Variants in AXIN1 observed in about 807,000 individuals in gnomAD.
The protein encoded by AXIN1 is axin 1, also known as axin-1.
Under a neutral mutation model 76.4 loss-of-function variants are expected in AXIN1, and 30 were observed. The ratio of observed to expected loss-of-function variants is 0.39; its 90% CI spans 0.29 to 0.53. The LOEUF is 0.53. AXIN1 is among the 20% of genes least tolerant of loss of function. The probability of loss-of-function intolerance (pLI) is 0.66; values close to 1 mark genes in which losing one functional copy is unlikely to be tolerated. For missense variants in AXIN1, 1,140 were observed against 1,198.8 expected (o/e 0.95, Z 0.72); for synonymous variants, 545 against 501.4 (o/e 1.09, Z -1.16).
intron 2 of AXIN1, among the ~76,000 whole-genome samples, chr16:315,041 G>C (rs901416016): frequency 1.3e-5 from 2 of 152,210 alleles, no homozygotes; most frequent in Non-Finnish European, 2.9e-5. Context: ...CGTCGGGAGA[G>C]GACACTGGGT....
chr16:316,603 G>A (rs764734271), intron 2 of AXIN1, among the ~76,000 whole-genome samples: 9 of 152,186 alleles, frequency 5.9e-5, no homozygotes, highest in Non-Finnish European at 1.2e-4. Context: ...GCACAGAGCG[G>A]TAAGACTGCG....
chr16:289,378 T>C, intron 10 of AXIN1, 62 bp downstream of exon 10: 1 of 1,601,610 alleles, frequency 6.2e-7, no homozygotes, highest in Non-Finnish European at 8.5e-7. Flanking sequence ...AACCCTCTTT[T>C]TCATACCGTT....
chr16:318,350 C>T (rs1354769593), intron 2 of AXIN1, among the ~76,000 whole-genome samples: 1 of 152,222 alleles, frequency 6.6e-6, no homozygotes, highest in African/African-American at 2.4e-5. Context: ...CACACAAGCA[C>T]CAAGGTCAGG....
At chr16:288,750 C>T (rs1157395219) in intron 10 of AXIN1, among the ~76,000 whole-genome samples, 1 of 152,258 alleles carries the variant, frequency 6.6e-6, no homozygotes, top group Non-Finnish European at 1.5e-5. Context: ...AGGCTGGCTG[C>T]ACGCAGGGCC....
intron 7 of AXIN1, 127 bp downstream of exon 7, chr16:296,929 C>T (rs2052725741): frequency 8.3e-7 from 1 of 1,197,828 alleles, no homozygotes; most frequent in Admixed American, 1.7e-5. Flanking sequence ...GCCACAGTGA[C>T]AGGGGAAGTG....
chr16:291,626 G>C (rs992790352), intron 8 of AXIN1: 1 of 428,266 alleles, frequency 2.3e-6, no homozygotes, highest in Non-Finnish European at 4.4e-6. Flanking sequence ...CTCGTCCCGA[G>C]AGTCTGTCCT....
rs11649403 is a variant in AXIN1 at position 318,897 on chromosome 16, A to G, written c.879-4214T>C. Among the ~76,000 whole-genome samples, 928 of 146,934 alleles carry G rather than the reference A, an allele frequency of 6.3e-3. 2 individuals are homozygous for G. Among genetic ancestry groups the G allele is most frequent in the African/African-American group, 7.9e-3 (303 of 38,504 alleles). ...ACCCCTGGCTGTGCAGAGAGAATGC[A>G]GCCGGGGCCTTGGTGAGAGTGGCTC... On this transcript the variant is annotated intron_variant, in intron 2 of 10. Coordinates refer to ENST00000262320, the MANE Select transcript of AXIN1 (RefSeq NM_003502.4).
At chr16:316,265 A>G (rs1053733780) in intron 2 of AXIN1, among the ~76,000 whole-genome samples, 9 of 152,238 alleles carry the variant, frequency 5.9e-5, no homozygotes, top group South Asian at 2.1e-4. Flanking sequence ...AAAAAATAAA[A>G]TAATAAAAAA....
intron 1 of AXIN1, among the ~76,000 whole-genome samples, chr16:350,423 C>T (rs912927310): frequency 5.3e-5 from 8 of 152,226 alleles, no homozygotes; most frequent in African/African-American, 9.6e-5. Flanking sequence ...GTCCATAAAA[C>T]GGGCGGGATG....
At chr16:347,512 C>A (rs2054056240) in intron 1 of AXIN1, among the ~76,000 whole-genome samples, 1 of 152,202 alleles carries the variant, frequency 6.6e-6, no homozygotes, top group South Asian at 2.1e-4. Flanking sequence ...TGAGTGAGGG[C>A]TGGACCCTCA....
At chr16:301,184 T>G (rs938320970) in intron 5 of AXIN1, among the ~76,000 whole-genome samples, 5 of 149,802 alleles carry the variant, frequency 3.3e-5, no homozygotes, top group Admixed American at 2.7e-4. Context: ...GGCAGGAGAA[T>G]GGCGTGAACC....
chr16:308,159 C>G (rs1452590761), intron 4 of AXIN1, among the ~76,000 whole-genome samples: 1 of 152,224 alleles, frequency 6.6e-6, no homozygotes, highest in Non-Finnish European at 1.5e-5. Flanking sequence ...TGCCTGCCGC[C>G]TCTGTTGGCT....
chr16:344,447 T>TAAAA (rs2053993771), intron 2 of AXIN1, among the ~76,000 whole-genome samples: 1 of 126,706 alleles, frequency 7.9e-6, no homozygotes, highest in Non-Finnish European at 1.8e-5. Context: ...AAAAAAAAAT[T>TAAAA]AACCAATTAA....
rs144411078 is a variant in AXIN1, at chr16:289,494, C to T, written c.2408G>A (p.Arg803His). The change falls in exon 10 of 11, where the codon CGC becomes CAC. Residue 803 changes from arginine (R) to histidine (H), a missense_variant. By Grantham distance (29) the Arg-to-His change is conservative (BLOSUM62 0). Coordinates refer to ENST00000262320, the MANE Select transcript of AXIN1 (RefSeq NM_003502.4). Reference sequence around the variant, plus strand: ...CTTGAACTGGCCCAGGGTGACAGCGCGGCCCCTCACCAGGGTGCGGTAGGG... The same window carrying T: ...CTTGAACTGGCCCAGGGTGACAGCGTGGCCCCTCACCAGGGTGCGGTAGGG... ...PIPYRTLVRG[R>H]AVTLGQFKEL... is the part of the protein sequence containing the mutation. 51 of 1,612,970 alleles carry T rather than the reference C, an allele frequency of 3.2e-5. No homozygotes were observed. The African/African-American group carries it at 3.6e-4, about 11-fold the overall frequency.
At chr16:289,336 G>T in intron 10 of AXIN1, 104 bp downstream of exon 10, 3 of 1,477,290 alleles carry the variant, frequency 2.0e-6, no homozygotes, top group Non-Finnish European at 2.8e-6. Context: ...AAAGTGCCAG[G>T]ATTAGGACGT....
At chr16:316,296 C>T (rs1287032943) in intron 2 of AXIN1, among the ~76,000 whole-genome samples, 1 of 152,170 alleles carries the variant, frequency 6.6e-6, no homozygotes, top group Non-Finnish European at 1.5e-5. Flanking sequence ...CTAGCTCACT[C>T]CTTCACATCA....
rs71299927 is a variant in AXIN1, at chr16:320,743, A to ATTTT, written c.879-6064_879-6061dup. ...TGTGTGTATATATATATATATATATATTTTTTTTTTTTTTGAGACGGAGCC... is the reference window on the plus strand; with the variant it reads ...TGTGTGTATATATATATATATATATATTTTTTTTTTTTTTTTTTGAGACGGAGCC... On this transcript the variant is annotated intron_variant, in intron 2 of 10. Coordinates refer to ENST00000262320, the MANE Select transcript of AXIN1 (RefSeq NM_003502.4). 2.8e-3 allele frequency among the ~76,000 whole-genome samples: 296 copies of ATTTT among 107,598 alleles called. 9 individuals are homozygous for ATTTT. Among genetic ancestry groups the ATTTT allele is most frequent in the African/African-American group, 0.011 (244 of 21,750 alleles). 70.6% of individuals were successfully genotyped at this position (107,598 alleles called of 152,430 possible).
At chr16:288,717 C>G (rs1363253618) in intron 10 of AXIN1, among the ~76,000 whole-genome samples, 1 of 152,272 alleles carries the variant, frequency 6.6e-6, no homozygotes, top group Non-Finnish European at 1.5e-5. Flanking sequence ...GCTCACCGCC[C>G]AGTGCTCACT....
In AXIN1 at chr16:304,393, C is replaced by T. The variant is rs1488869543; in HGVS notation, c.1165G>A (p.Ala389Thr). 1.2e-6 allele frequency: 2 copies of T among 1,612,734 alleles called. No homozygotes were observed. The highest frequency in any genetic ancestry group is 1.1e-5 in the South Asian group (1 of 91,084). ...KEVRVEPQKF[A>T]EELIHRLEAV... is the part of the protein sequence containing the mutation. ...TCCAGGCGGTGGATGAGCTCCTCCG[C>T]GAACTTCTGAGGCTCCACGCGGACC... The change falls in exon 5 of 11, where the codon GCG (alanine) becomes ACG (threonine). Residue 389 changes from alanine (A) to threonine (T), a missense_variant. Ala to Thr is a moderately conservative substitution (Grantham distance 58). Coordinates refer to ENST00000262320, the MANE Select transcript of AXIN1 (RefSeq NM_003502.4).
Sources: allele counts gnomAD v4.1 joint callset (sites outside exome capture counted in the v4.1 genomes callset), GRCh38; gene constraint gnomAD v4.1.1; transcripts MANE v1.5; gene names NCBI Gene and HGNC (gene_info 2026-07-23, HGNC 2026-07-21).